Variants in RBPMS observed in about 807,000 individuals in gnomAD.
The protein encoded by RBPMS is RNA binding protein, mRNA processing factor.
A neutral mutation model predicts 26.8 loss-of-function variants in RBPMS; 7 were observed. That is an observed-to-expected ratio of 0.26 (90% CI 0.15 to 0.49). The LOEUF is 0.49. RBPMS is among the 20% of genes least tolerant of loss of function. The pLI is 0.98. For synonymous variants in RBPMS, 96 were observed against 93.3 expected, an observed-to-expected ratio of 1.03 and a Z score of -0.17; for missense variants, 186 against 250.0, an observed-to-expected ratio of 0.74 and a Z score of 1.73.
At chr8:30,449,956 TTCA>T (rs1271775926) in intron 1 of RBPMS, among the ~76,000 whole-genome samples, 5 of 152,274 alleles carry the variant, frequency 3.3e-5, no homozygotes, top group Non-Finnish European at 7.3e-5. Context: ...TTAGTTACAC[TTCA>T]AGTCAACTAG....
At chr8:30,504,474 C>T (rs1489619684) in intron 5 of RBPMS, 38 bp downstream of exon 5, 1 of 1,597,618 alleles carries the variant, frequency 6.3e-7, no homozygotes, top group African/African-American at 1.3e-5. Context: ...GTAATAATAA[C>T]TAAGAACTGT....
chr8:30,408,454 A>C (rs79280900), intron 1 of RBPMS, among the ~76,000 whole-genome samples: 1 of 152,208 alleles, frequency 6.6e-6, no homozygotes, highest in African/African-American at 2.4e-5. Context: ...GCTTGAATCC[A>C]GGAGAAGGGG....
intron 5 of RBPMS, among the ~76,000 whole-genome samples, chr8:30,527,678 G>A (rs1020574545): frequency 2.0e-5 from 3 of 152,082 alleles, no homozygotes; most frequent in African/African-American, 7.2e-5. Flanking sequence ...CCTCAGCACA[G>A]TGTGAGAAAA....
At chr8:30,472,986 C>G (rs1339515668) in intron 1 of RBPMS, among the ~76,000 whole-genome samples, 1 of 152,168 alleles carries the variant, frequency 6.6e-6, no homozygotes, top group Non-Finnish European at 1.5e-5. Context: ...GAGGAAAAAT[C>G]TTTCATGTAT....
intron 4 of RBPMS, among the ~76,000 whole-genome samples, chr8:30,502,236 G>A (rs1021405443): frequency 2.0e-5 from 3 of 150,998 alleles, no homozygotes; most frequent in African/African-American, 7.3e-5. Flanking sequence ...GTATGAAGAA[G>A]GGGGCAGGGA....
chr8:30,486,941 A>G (rs1172324098), intron 4 of RBPMS, among the ~76,000 whole-genome samples: 1 of 152,246 alleles, frequency 6.6e-6, no homozygotes, highest in Non-Finnish European at 1.5e-5. Flanking sequence ...TGCCATTTAA[A>G]AAATGATACC....
chr8:30,561,244 G>C (rs1414476252), intron 7 of RBPMS, among the ~76,000 whole-genome samples: 1 of 152,128 alleles, frequency 6.6e-6, no homozygotes, highest in Admixed American at 6.5e-5. Flanking sequence ...ATGAAGTCCA[G>C]AATTTTGTAA....
chr8:30,511,486 A>AAAAAAATATATAT (rs1821657057), intron 5 of RBPMS, among the ~76,000 whole-genome samples: 1 of 23,570 alleles, frequency 4.2e-5, no homozygotes, highest in African/African-American at 1.6e-4. Flanking sequence ...AAAAAAAAAA[A>AAAAAAATATATAT]ATATATATAT....
At chr8:30,499,763 T>C (rs1363268361) in intron 4 of RBPMS, among the ~76,000 whole-genome samples, 1 of 152,182 alleles carries the variant, frequency 6.6e-6, no homozygotes, top group Non-Finnish European at 1.5e-5. Flanking sequence ...GGATTAGATC[T>C]TGGATCAGGA....
At chr8:30,519,192 G>A (rs1192998133) in intron 5 of RBPMS, among the ~76,000 whole-genome samples, 1 of 152,028 alleles carries the variant, frequency 6.6e-6, no homozygotes, top group East Asian at 1.9e-4. Flanking sequence ...TCTGCTTGGA[G>A]GGTATGTGTC....
Position 30,531,419 on chromosome 8 carries a change from G to A in RBPMS, c.398-13075G>A, listed in dbSNP as rs562447707. On this transcript the variant is annotated intron_variant, in intron 5 of 8. Coordinates refer to ENST00000397323, the MANE Select transcript of RBPMS (RefSeq NM_001008710.3). ...TGCAACTGAAAAAAGATTTCAGACT[G>A]ACAGGCAACCTTTTAGTGTTGGAAG... Among the ~76,000 whole-genome samples, 4 of 152,296 alleles carry A rather than the reference G, an allele frequency of 2.6e-5. No homozygotes were observed. In the East Asian group the frequency reaches 7.7e-4, roughly 29 times the overall value.
In RBPMS at chr8:30,520,551, T is replaced by C. The variant is rs1264475694; in HGVS notation, c.397+16115T>C. On this transcript the variant is annotated intron_variant, in intron 5 of 8. Transcript: ENST00000397323. ...CTTGTTTTGGAATGTCCATCATTTGTAGGAATGATGGAGTCTCACTTCCTA... is the reference window on the plus strand; with the variant it reads ...CTTGTTTTGGAATGTCCATCATTTGCAGGAATGATGGAGTCTCACTTCCTA... Among the ~76,000 whole-genome samples, 4 of 152,176 alleles carry C rather than the reference T, an allele frequency of 2.6e-5. No individual in the cohort carries two copies. In the East Asian group the frequency reaches 5.8e-4, roughly 22 times the overall value.
intron 1 of RBPMS, among the ~76,000 whole-genome samples, chr8:30,465,571 G>C (rs756939321): frequency 6.6e-6 from 1 of 152,208 alleles, no homozygotes; most frequent in Non-Finnish European, 1.5e-5. Context: ...TGGATTACCT[G>C]AGGTCAGGAG....
At chr8:30,540,500 GCAACCT>G (rs1825270184) in intron 5 of RBPMS, among the ~76,000 whole-genome samples, 1 of 152,148 alleles carries the variant, frequency 6.6e-6, no homozygotes, top group Non-Finnish European at 1.5e-5. Context: ...AGAGCGCACT[GCAACCT>G]CAAATAAGTC....
chr8:30,527,589 C>G (rs563432049), intron 5 of RBPMS, among the ~76,000 whole-genome samples: 69 of 152,300 alleles, frequency 4.5e-4, no homozygotes, highest in African/African-American at 1.6e-3. Context: ...AATTTACCAT[C>G]CAAGCCCCAC....
chr8:30,478,371 G>A (rs76626307), intron 3 of RBPMS, among the ~76,000 whole-genome samples: 107 of 151,958 alleles, frequency 7.0e-4, no homozygotes, highest in Middle Eastern at 3.4e-3. Context: ...CACACCTCTC[G>A]AATCACTATT....
chr8:30,420,230 A>G (rs1016163334), intron 1 of RBPMS, among the ~76,000 whole-genome samples: 2 of 151,202 alleles, frequency 1.3e-5, no homozygotes, highest in Non-Finnish European at 3.0e-5. Flanking sequence ...CCTGCTTCAA[A>G]AAAAAAAAAA....
At chr8:30,513,399 C>A (rs994996849) in intron 5 of RBPMS, among the ~76,000 whole-genome samples, 3 of 151,858 alleles carry the variant, frequency 2.0e-5, no homozygotes, top group Admixed American at 6.6e-5. Context: ...ACCATCCTGG[C>A]TAACACGGTG....
intron 5 of RBPMS, among the ~76,000 whole-genome samples, chr8:30,530,643 G>A: frequency 6.6e-6 from 1 of 151,948 alleles, no homozygotes; most frequent in Non-Finnish European, 1.5e-5. Flanking sequence ...TGTATTTTTA[G>A]TAGAGACGGG....
Sources: allele counts gnomAD v4.1 joint callset (sites outside exome capture counted in the v4.1 genomes callset), GRCh38; gene constraint gnomAD v4.1.1; transcripts MANE v1.5; gene names NCBI Gene and HGNC (gene_info 2026-07-23, HGNC 2026-07-21).